Variants in ABCA13 observed in about 807,000 individuals in gnomAD.
The protein encoded by ABCA13 is ATP-binding cassette sub-family A member 13.
ABCA13 carries 476 observed loss-of-function variants against 478.7 expected under a neutral mutation model. The observed-to-expected ratio is 0.99, with a 90% confidence interval of 0.92 to 1.07. ABCA13 has a LOEUF of 1.07. ABCA13 is among the 50% of genes least tolerant of loss of function. The pLI is 0.00. For synonymous variants in ABCA13, 2,252 were observed against 2,158.9 expected (o/e 1.04, Z -1.20); for missense variants, 6,060 against 5,910.6 (o/e 1.03, Z -0.83).
intron 41 of ABCA13, 23 bp downstream of exon 41, chr7:48,412,606 C>A (rs1819423753): frequency 6.4e-7 from 1 of 1,561,776 alleles, no homozygotes; most frequent in African/African-American, 1.4e-5. Context: ...CTGAAGCGTG[C>A]TTTAATTATT....
intron 44 of ABCA13, among the ~76,000 whole-genome samples, chr7:48,469,891 G>C (rs960337174): frequency 6.6e-6 from 1 of 150,852 alleles, no homozygotes; most frequent in African/African-American, 2.4e-5. Flanking sequence ...TTGCATTCCA[G>C]CCTGGGCAAC....
At chr7:48,469,360 C>A (rs146144991) in intron 44 of ABCA13, among the ~76,000 whole-genome samples, 48 of 152,236 alleles carry the variant, frequency 3.2e-4, no homozygotes, top group Non-Finnish European at 5.9e-4. Context: ...CATGGATCAG[C>A]AGTGTAGAGA....
At chr7:48,286,872 T>G (rs888819613) in intron 19 of ABCA13, among the ~76,000 whole-genome samples, 7 of 152,184 alleles carry the variant, frequency 4.6e-5, no homozygotes, top group Non-Finnish European at 8.8e-5. Flanking sequence ...GATAACATTT[T>G]TTTTTCTAAT....
At chr7:48,330,719 A>C (rs2128932040) in intron 27 of ABCA13, among the ~76,000 whole-genome samples, 1 of 150,242 alleles carries the variant, frequency 6.7e-6, no homozygotes, top group East Asian at 2.0e-4. Context: ...TCATCCATTT[A>C]TCTATTCATC....
chr7:48,236,650 A>G (rs990123541), intron 8 of ABCA13, among the ~76,000 whole-genome samples: 54 of 152,186 alleles, frequency 3.5e-4, no homozygotes, highest in Non-Finnish European at 2.4e-4. Flanking sequence ...TCCTTTCTCC[A>G]ATAAAAACCC....
chr7:48,228,175 A>T (rs1482821563), intron 6 of ABCA13, among the ~76,000 whole-genome samples: 4 of 152,230 alleles, frequency 2.6e-5, no homozygotes, highest in Admixed American at 6.5e-5. Flanking sequence ...GGTGAGAGCC[A>T]CATTACCCTT....
intron 44 of ABCA13, among the ~76,000 whole-genome samples, chr7:48,469,810 C>T (rs1268103794): frequency 6.6e-6 from 1 of 151,992 alleles, no homozygotes; most frequent in Non-Finnish European, 1.5e-5. Context: ...ATCCCAGCTA[C>T]TCGGGAGGCT....
chr7:48,301,008 A>G (rs1800073145), intron 23 of ABCA13, among the ~76,000 whole-genome samples: 1 of 152,172 alleles, frequency 6.6e-6, no homozygotes, highest in African/African-American at 2.4e-5. Flanking sequence ...TCAGGACCCA[A>G]ATAGATTGAG....
intron 1 of ABCA13, among the ~76,000 whole-genome samples, chr7:48,173,341 G>A (rs1250599446): frequency 1.3e-5 from 2 of 152,058 alleles, no homozygotes; most frequent in Non-Finnish European, 2.9e-5. Context: ...TTCCCCAATT[G>A]GTTCATCAAT....
chr7:48,178,305 A>G lies in ABCA13; in HGVS notation c.69+6753A>G, dbSNP rs573719246. Among the ~76,000 whole-genome samples the G allele has an allele frequency of 8.3e-4, 126 of 152,344 alleles. 1 individual carries two copies. The highest frequency in any genetic ancestry group is 3.2e-4 in the Non-Finnish European group (22 of 68,034). Reference sequence around the variant, plus strand: ...GTGAGGGAACACTTGCAGTGAAAGCATCTCAGTGTTTCTTTAAGAGTCTGG... The same window carrying G: ...GTGAGGGAACACTTGCAGTGAAAGCGTCTCAGTGTTTCTTTAAGAGTCTGG... On this transcript the variant is annotated intron_variant, in intron 1 of 61. Transcript: ENST00000435803.
chr7:48,314,246 C>A lies in ABCA13; in HGVS notation c.9696C>A (p.Val3232=). 1 of 1,611,650 alleles carries A rather than the reference C, an allele frequency of 6.2e-7. No individual in the cohort carries two copies. The highest frequency in any genetic ancestry group is 8.5e-7 in the Non-Finnish European group (1 of 1,179,440). Reference sequence around the variant, plus strand: ...TATTTTCTCAGGTTTCACAAAATGTCCAGGCCAGAAGTTCAGCTTTTGGTT... The same window carrying A: ...TATTTTCTCAGGTTTCACAAAATGTACAGGCCAGAAGTTCAGCTTTTGGTT... ...TLDFQQVSQN[V]QARSSAFGSF... The change falls in exon 26 of 62, where the codon GTC becomes GTA. Residue 3232 remains valine, a synonymous_variant. Transcript: ENST00000435803.
chr7:48,254,598 C>T (rs1483513877), intron 15 of ABCA13, among the ~76,000 whole-genome samples: 1 of 151,496 alleles, frequency 6.6e-6, no homozygotes, highest in African/African-American at 2.4e-5. Flanking sequence ...ATGCGACACT[C>T]TGCATGATTT....
intron 55 of ABCA13, among the ~76,000 whole-genome samples, chr7:48,547,967 A>T (rs1784969309): frequency 6.6e-6 from 1 of 151,874 alleles, no homozygotes; most frequent in Non-Finnish European, 1.5e-5. Flanking sequence ...TGTATTTGCT[A>T]CTTGTTGATG....
chr7:48,513,889 C>T (rs1437361026), intron 51 of ABCA13, among the ~76,000 whole-genome samples: 1 of 152,162 alleles, frequency 6.6e-6, no homozygotes, highest in African/African-American at 2.4e-5. Context: ...GAAAACCACA[C>T]TGGAATACTC....
In ABCA13 at chr7:48,604,438, T is replaced by C. The variant is rs942653989; in HGVS notation, c.14744+9625T>C. On this transcript the variant is annotated intron_variant, in intron 58 of 61. Transcript: ENST00000435803. Reference sequence around the variant, plus strand: ...AGATTCTGGTACACTGTGCCTTTGTTCTCACTGGTTTCAAAGAACATCTTT... The same window carrying C: ...AGATTCTGGTACACTGTGCCTTTGTCCTCACTGGTTTCAAAGAACATCTTT... Among the ~76,000 whole-genome samples the C allele has an allele frequency of 5.3e-5, 8 of 152,208 alleles. No individual in the cohort carries two copies. The East Asian group carries it at 1.5e-3, about 29-fold the overall frequency.
intron 27 of ABCA13, among the ~76,000 whole-genome samples, chr7:48,320,287 G>T (rs1309730562): frequency 2.6e-5 from 4 of 152,162 alleles, no homozygotes; most frequent in African/African-American, 9.7e-5. Context: ...AAAGTCAAAA[G>T]TCCCTAGTTG....
At chr7:48,644,568 A>C (rs1266900795) in intron 60 of ABCA13, 49 bp from the exon 61 acceptor site, 1 of 1,536,630 alleles carries the variant, frequency 6.5e-7, no homozygotes, top group African/African-American at 1.4e-5. Flanking sequence ...AATTTTGTTT[A>C]ATAATGCTAG....
At chr7:48,637,390 A>AAAAAAAAAAAAC in intron 59 of ABCA13, among the ~76,000 whole-genome samples, 1 of 147,208 alleles carries the variant, frequency 6.8e-6, no homozygotes, top group Non-Finnish European at 1.5e-5. Context: ...GCAAAAAAAA[A>AAAAAAAAAAAAC]AAAAAAAAAA....
At chr7:48,416,939 C>A (rs987835739) in intron 41 of ABCA13, among the ~76,000 whole-genome samples, 1 of 147,060 alleles carries the variant, frequency 6.8e-6, no homozygotes, top group African/African-American at 2.5e-5. Flanking sequence ...ACTGCATATA[C>A]CTTTTTTTTT....
Sources: gnomAD v4.1 joint callset for allele counts (sites outside exome capture counted in the v4.1 genomes callset) on GRCh38, gnomAD v4.1.1 for gene constraint, MANE v1.5 for transcripts, NCBI Gene and HGNC (gene_info 2026-07-23, HGNC 2026-07-21) for gene names.